Variants in CDH20 observed in about 807,000 individuals in gnomAD.
CDH20 encodes cadherin 20.
In CDH20, 29 loss-of-function variants were observed where a neutral mutation model predicts 74.2. The observed-to-expected ratio is 0.39, with a 90% CI of 0.29 to 0.53. The LOEUF is 0.53. Ranked by LOEUF, CDH20 falls within the 20% of genes least tolerant of loss-of-function variation. The probability of loss-of-function intolerance (pLI) is 0.69; values close to 1 mark genes in which losing one functional copy is unlikely to be tolerated. For missense variants in CDH20, 988 were observed against 1,048.3 expected, an observed-to-expected ratio of 0.94 and a Z score of 0.79; for synonymous variants, 469 against 405.4, an observed-to-expected ratio of 1.16 and a Z score of -1.88.
At chr18:61,463,144 C>T (rs1909843613) in intron 1 of CDH20, among the ~76,000 whole-genome samples, 1 of 152,130 alleles carries the variant, frequency 6.6e-6, no homozygotes, top group East Asian at 1.9e-4. Flanking sequence ...AGGGCCCTTT[C>T]TGTTGTCTCT....
rs550579396 is a variant in CDH20 at position 61,437,838 on chromosome 18, A to G, written c.-152-52564A>G. 2.0e-5 allele frequency among the ~76,000 whole-genome samples: 3 copies of G among 150,756 alleles called. No homozygotes were observed. The East Asian group carries it at 5.9e-4, about 30-fold the overall frequency. On this transcript the variant is annotated intron_variant, in intron 1 of 11. Coordinates refer to ENST00000262717, the MANE Select transcript of CDH20 (RefSeq NM_031891.4). ...ATTCAGTGTAGATTTTATTTCTTCT[A>G]CTCTTTCCCCCATGTGAATTTTCTA...
chr18:61,459,685 T>C (rs1284695984), intron 1 of CDH20, among the ~76,000 whole-genome samples: 1 of 152,130 alleles, frequency 6.6e-6, no homozygotes, highest in African/African-American at 2.4e-5. Context: ...CAGAAAAATC[T>C]GCAGGCTGAC....
chr18:61,471,346 T>C (rs940374326), intron 1 of CDH20, among the ~76,000 whole-genome samples: 1 of 152,196 alleles, frequency 6.6e-6, no homozygotes, highest in Non-Finnish European at 1.5e-5. Context: ...GGAAAACAGT[T>C]GACAAGAGAT....
intron 9 of CDH20, among the ~76,000 whole-genome samples, chr18:61,539,381 A>G (rs1912943398): frequency 6.6e-6 from 1 of 152,210 alleles, no homozygotes; most frequent in African/African-American, 2.4e-5. Context: ...TGAGGCAGGA[A>G]GATAGTTTGA....
At chr18:61,336,073 G>A (rs1909749299) in intron 1 of CDH20, among the ~76,000 whole-genome samples, 1 of 152,202 alleles carries the variant, frequency 6.6e-6, no homozygotes, top group African/African-American at 2.4e-5. Flanking sequence ...GTTGAGAGGA[G>A]AGATTGAGAG....
At position 61,527,316 on chromosome 18, in the gene CDH20, AT is replaced by A. The variant is rs1404659189; in HGVS notation, c.1018-645del. ...AATATTGCCTTTGTACTCAAGAATA[AT>A]TTTTTAAGGAAAAAAAAAAAGCCTA... On this transcript the variant is annotated intron_variant, in intron 6 of 11. Coordinates refer to ENST00000262717, the MANE Select transcript of CDH20 (RefSeq NM_031891.4). 3.9e-4 allele frequency among the ~76,000 whole-genome samples: 18 copies of A among 46,110 alleles called. No individual in the cohort carries two copies. The South Asian group carries it at 0.02, about 52-fold the overall frequency. The allele number at this position is 46,110 out of a possible 152,430, so 30.2% of individuals were successfully genotyped here.
chr18:61,547,761 A>G (rs2144408496), intron 10 of CDH20, among the ~76,000 whole-genome samples: 1 of 151,474 alleles, frequency 6.6e-6, no homozygotes, highest in East Asian at 2.0e-4. Context: ...TCACCTCAGA[A>G]AAAAATGCTG....
chr18:61,509,910 A>G (rs2144334840), intron 6 of CDH20, among the ~76,000 whole-genome samples: 1 of 152,310 alleles, frequency 6.6e-6, no homozygotes, highest in Non-Finnish European at 1.5e-5. Context: ...TGGAAGAAAG[A>G]GAAGAGTCAA....
chr18:61,435,443 A>C (rs1267882633), intron 1 of CDH20, among the ~76,000 whole-genome samples: 4 of 152,118 alleles, frequency 2.6e-5, no homozygotes, highest in African/African-American at 9.7e-5. Context: ...GTCACAGAGA[A>C]AAATGCTTCT....
intron 2 of CDH20, among the ~76,000 whole-genome samples, chr18:61,491,858 C>T (rs11662134): frequency 0.17 from 26,149 of 151,878 alleles, 2,644 homozygotes; most frequent in South Asian, 0.42. Flanking sequence ...TGTGCCATGA[C>T]CTTCACAATC....
intron 9 of CDH20, among the ~76,000 whole-genome samples, chr18:61,544,304 C>A (rs112565803): frequency 6.6e-6 from 1 of 152,228 alleles, no homozygotes; most frequent in East Asian, 1.9e-4. Context: ...CCCAAGTGGG[C>A]GTGTGTTACA....
chr18:61,464,134 G>A (rs945621757), intron 1 of CDH20, among the ~76,000 whole-genome samples: 4 of 152,062 alleles, frequency 2.6e-5, no homozygotes, highest in Non-Finnish European at 5.9e-5. Flanking sequence ...TAAGAAGTGT[G>A]TGCATAATTA....
intron 6 of CDH20, among the ~76,000 whole-genome samples, chr18:61,514,323 G>A (rs1911901239): frequency 6.6e-6 from 1 of 152,132 alleles, no homozygotes; most frequent in Admixed American, 6.5e-5. Flanking sequence ...TCTTCACGTA[G>A]TTCACGAGCC....
intron 1 of CDH20, among the ~76,000 whole-genome samples, chr18:61,478,514 G>C (rs598695): frequency 0.017 from 2,538 of 152,062 alleles, 35 homozygotes; most frequent in Non-Finnish European, 0.028. Context: ...TATAATACTG[G>C]GAACGCAGTA....
At chr18:61,476,852 T>G (rs897430916) in intron 1 of CDH20, among the ~76,000 whole-genome samples, 8 of 152,208 alleles carry the variant, frequency 5.3e-5, no homozygotes, top group African/African-American at 1.7e-4. Flanking sequence ...ATCTCTCTTT[T>G]TTGATAAGTC....
chr18:61,381,846 G>C (rs1158460169), intron 1 of CDH20, among the ~76,000 whole-genome samples: 1 of 152,090 alleles, frequency 6.6e-6, no homozygotes, highest in South Asian at 2.1e-4. Flanking sequence ...AAATAAAACT[G>C]ACCTTCCCTC....
chr18:61,340,010 A>G lies in CDH20; in HGVS notation c.-153+6183A>G, dbSNP rs1285239455. ...CGGCCAGGTCATAGAAATTTCTTTGACATGTAGCCCCCAACACCCCAACAC... is the reference window on the plus strand; with the variant it reads ...CGGCCAGGTCATAGAAATTTCTTTGGCATGTAGCCCCCAACACCCCAACAC... On this transcript the variant is annotated intron_variant, in intron 1 of 11. Coordinates refer to ENST00000262717, the MANE Select transcript of CDH20 (RefSeq NM_031891.4). 2.6e-5 allele frequency among the ~76,000 whole-genome samples: 4 copies of G among 151,984 alleles called. No homozygotes were observed. The South Asian group carries it at 6.2e-4, about 24-fold the overall frequency.
At position 61,554,516 on chromosome 18, in the gene CDH20, G is replaced by C; in HGVS notation, c.2227G>C (p.Asp743His). ...ADMDLWAPPF[D>H]SLQTYMFEGD... Reference sequence around the variant, plus strand: ...CATGGACCTGTGGGCACCGCCCTTCGACTCCCTCCAGACGTATATGTTCGA... The same window carrying C: ...CATGGACCTGTGGGCACCGCCCTTCCACTCCCTCCAGACGTATATGTTCGA... The change falls in exon 12 of 12, where the codon GAC becomes CAC. Residue 743 changes from aspartate to histidine, a missense_variant. Asp to His is a moderately conservative substitution (Grantham distance 81). Coordinates refer to ENST00000262717, the MANE Select transcript of CDH20 (RefSeq NM_031891.4). 1 of 1,612,866 alleles carries C rather than the reference G, an allele frequency of 6.2e-7. No homozygotes were observed. The highest frequency in any genetic ancestry group is 8.5e-7 in the Non-Finnish European group (1 of 1,179,792).
intron 8 of CDH20, among the ~76,000 whole-genome samples, chr18:61,538,553 T>C (rs1309702307): frequency 2.7e-5 from 4 of 149,990 alleles, no homozygotes; most frequent in African/African-American, 9.7e-5. Context: ...TCCTTTCAAA[T>C]CCAGACTCAC....
Sources: allele counts gnomAD v4.1 joint callset (sites outside exome capture counted in the v4.1 genomes callset), GRCh38; gene constraint gnomAD v4.1.1; transcripts MANE v1.5; gene names NCBI Gene and HGNC (gene_info 2026-07-23, HGNC 2026-07-21).